The following PEBP4 variants were observed in gnomAD, a reference collection of about 807,000 sequenced individuals.
PEBP4 encodes the protein phosphatidylethanolamine-binding protein 4.
PEBP4 carries 22 observed loss-of-function variants against 23.9 expected under a neutral mutation model. The observed-to-expected ratio is 0.92, with a 90% CI of 0.66 to 1.31. PEBP4 has a LOEUF of 1.31. PEBP4 is among the 40% of genes most tolerant of loss of function. PEBP4 has a pLI of 0.00. For synonymous variants in PEBP4, 112 were observed against 99.3 expected, an observed-to-expected ratio of 1.13 and a Z score of -0.76; for missense variants, 324 against 281.7, an observed-to-expected ratio of 1.15 and a Z score of -1.07.
chr8:22,732,406 T>C (rs572957960), intron 4 of PEBP4, among the ~76,000 whole-genome samples: 1 of 151,990 alleles, frequency 6.6e-6, no homozygotes, highest in South Asian at 2.1e-4. Context: ...GGAGGGCCCA[T>C]GGTGGGGGCG....
chr8:22,830,300 T>TGTG (rs1563230433), intron 3 of PEBP4, among the ~76,000 whole-genome samples: 277 of 148,686 alleles, frequency 1.9e-3, no homozygotes, highest in African/African-American at 6.6e-3. Context: ...TGGCTAATTT[T>TGTG]TGTGTGTGTG....
At chr8:22,732,529 C>A (rs146616048) in intron 4 of PEBP4, among the ~76,000 whole-genome samples, 1 of 152,146 alleles carries the variant, frequency 6.6e-6, no homozygotes, top group Non-Finnish European at 1.5e-5. Flanking sequence ...TGTAACAAAC[C>A]TGCACATCCT....
At chr8:22,898,391 C>A (rs1359326497) in intron 3 of PEBP4, among the ~76,000 whole-genome samples, 557 of 7,958 alleles carry the variant, frequency 0.07, 160 homozygotes, top group Non-Finnish European at 0.091. Context: ...GACTCCACCC[C>A]AAAAAAAAAA....
At chr8:22,754,655 C>T (rs1487164709) in intron 4 of PEBP4, among the ~76,000 whole-genome samples, 4 of 152,206 alleles carry the variant, frequency 2.6e-5, no homozygotes, top group African/African-American at 9.6e-5. Flanking sequence ...GTGTGGCCTC[C>T]TTGGGGCGGT....
At chr8:22,860,895 CCA>C (rs1344339711) in intron 3 of PEBP4, among the ~76,000 whole-genome samples, 1 of 152,232 alleles carries the variant, frequency 6.6e-6, no homozygotes, top group Non-Finnish European at 1.5e-5. Context: ...CACTGTGCTG[CCA>C]CGAGGTCTAC....
At chr8:22,925,833 T>C (rs558405206) in intron 2 of PEBP4, among the ~76,000 whole-genome samples, 1 of 152,320 alleles carries the variant, frequency 6.6e-6, no homozygotes, top group African/African-American at 2.4e-5. Flanking sequence ...GACCTTGCAC[T>C]GCTCAGAGCG....
intron 3 of PEBP4, among the ~76,000 whole-genome samples, chr8:22,875,113 T>C (rs1340722395): frequency 1.3e-5 from 2 of 151,992 alleles, no homozygotes; most frequent in African/African-American, 2.4e-5. Context: ...TCAGCCTCGT[T>C]AGTGAAATAA....
chr8:22,815,846 G>A (rs373855725), intron 4 of PEBP4, among the ~76,000 whole-genome samples: 1 of 152,194 alleles, frequency 6.6e-6, no homozygotes, highest in African/African-American at 2.4e-5. Context: ...TAAGGGGAGT[G>A]CAGGAGTCGG....
At chr8:22,848,048 C>T (rs181435090) in intron 3 of PEBP4, among the ~76,000 whole-genome samples, 9 of 152,012 alleles carry the variant, frequency 5.9e-5, no homozygotes, top group South Asian at 2.1e-4. Context: ...CTCTCTCTGT[C>T]GCTTTCTCTT....
chr8:22,735,595 A>G (rs1804843393), intron 4 of PEBP4, among the ~76,000 whole-genome samples: 1 of 152,192 alleles, frequency 6.6e-6, no homozygotes. Flanking sequence ...GCTCTCAGCA[A>G]CCTAAACCCT....
chr8:22,914,357 A>G (rs1809021648), intron 3 of PEBP4, among the ~76,000 whole-genome samples: 1 of 152,028 alleles, frequency 6.6e-6, no homozygotes, highest in Non-Finnish European at 1.5e-5. Flanking sequence ...TGGGCTCCCA[A>G]AGTGCTGGGA....
chr8:22,739,351 T>A (rs959406963), intron 4 of PEBP4, among the ~76,000 whole-genome samples: 3 of 152,130 alleles, frequency 2.0e-5, no homozygotes, highest in Non-Finnish European at 4.4e-5. Flanking sequence ...AAACTGCAAC[T>A]CAACTGGAGA....
intron 4 of PEBP4, among the ~76,000 whole-genome samples, chr8:22,783,930 G>A (rs752442044): frequency 2.1e-4 from 32 of 152,300 alleles, no homozygotes; most frequent in Admixed American, 1.6e-3. Context: ...TGGTCTGGCC[G>A]ACACATGCTG....
intron 4 of PEBP4, chr8:22,745,804 G>A (rs1256986922): frequency 6.6e-6 from 1 of 152,196 alleles, no homozygotes; most frequent in Non-Finnish European, 1.5e-5. Flanking sequence ...CATCCCGAGA[G>A]CCTGCCTTAC....
At chr8:22,905,598 T>C (rs1808795370) in intron 3 of PEBP4, among the ~76,000 whole-genome samples, 1 of 152,244 alleles carries the variant, frequency 6.6e-6, no homozygotes, top group Non-Finnish European at 1.5e-5. Context: ...TTCTGTCCGC[T>C]GTTCTAAGCC....
intron 3 of PEBP4, among the ~76,000 whole-genome samples, chr8:22,855,351 T>C (rs1458306740): frequency 6.6e-6 from 1 of 152,140 alleles, no homozygotes. Context: ...TTTGTAAAGA[T>C]CTGAACAAAA....
chr8:22,903,199 T>C (rs77072486), intron 3 of PEBP4, among the ~76,000 whole-genome samples: 2,261 of 152,298 alleles, frequency 0.015, 31 homozygotes, highest in African/African-American at 0.038. Context: ...AGCCATGATA[T>C]TGTGAGTAAA....
intron 3 of PEBP4, among the ~76,000 whole-genome samples, chr8:22,845,224 G>T (rs568833392): frequency 6.6e-6 from 1 of 152,100 alleles, no homozygotes; most frequent in Non-Finnish European, 1.5e-5. Context: ...TGAGGGTGGG[G>T]TTAGGGAGGA....
intron 4 of PEBP4, among the ~76,000 whole-genome samples, chr8:22,749,973 A>AT (rs1805217807): frequency 6.6e-6 from 1 of 150,796 alleles, no homozygotes; most frequent in Non-Finnish European, 1.5e-5. Context: ...TGTGGGGCTA[A>AT]TTTTGTATTT....
Sources: allele counts gnomAD v4.1 joint callset (sites outside exome capture counted in the v4.1 genomes callset), GRCh38; gene constraint gnomAD v4.1.1; transcripts MANE v1.5; gene names NCBI Gene and HGNC (gene_info 2026-07-23, HGNC 2026-07-21).